TRIM71: variants seen among roughly 807,000 people sequenced by gnomAD.
The protein encoded by TRIM71 is tripartite motif containing 71, also known as E3 ubiquitin-protein ligase TRIM71.
Under a neutral mutation model 61.2 loss-of-function variants are expected in TRIM71, and 9 were observed. That is an observed-to-expected ratio of 0.15 (90% CI 0.09 to 0.26). TRIM71 has a LOEUF of 0.26. TRIM71 is among the 10% of genes least tolerant of loss of function. The probability of loss-of-function intolerance (pLI) is 1.00; values close to 1 mark genes in which losing one functional copy is unlikely to be tolerated. For missense variants in TRIM71, 998 were observed against 1,238.7 expected (o/e 0.81, Z 2.92); for synonymous variants, 645 against 553.2 (o/e 1.17, Z -2.33).
chr3:32,886,341 G>C (rs969803229), intron 3 of TRIM71, among the ~76,000 whole-genome samples: 1 of 152,208 alleles, frequency 6.6e-6, no homozygotes, highest in Non-Finnish European at 1.5e-5. Context: ...CACTCAAAAG[G>C]AGGCTAAAGA....
At position 32,890,854 on chromosome 3, in the gene TRIM71, G is replaced by A. The variant is rs1200367958; in HGVS notation, c.1650G>A (p.Val550=). Residue 550 remains valine, a synonymous_variant, in exon 4 of 4, where the codon GTG becomes GTA. Coordinates refer to ENST00000383763, the MANE Select transcript of TRIM71 (RefSeq NM_001039111.3). This position sits in a 1 kb window ranked among gnomAD's most constrained non-coding sequence, Gnocchi z 6.2. ...VSDQQNGTYV[V]SYRPQLEGEH... The stretch of plus-strand genomic sequence containing the variant: ...ATCAGCAGAATGGGACATACGTGGT[G>A]AGTTACCGACCCCAGCTGGAGGGTG... 2 of 1,614,122 alleles carry A rather than the reference G, an allele frequency of 1.2e-6. No individual in the cohort carries two copies. Among genetic ancestry groups the A allele is most frequent in the African/African-American group, 2.7e-5 (2 of 74,940 alleles).
At chr3:32,845,212 G>C (rs1696458163) in intron 1 of TRIM71, among the ~76,000 whole-genome samples, 1 of 152,182 alleles carries the variant, frequency 6.6e-6, no homozygotes, top group Non-Finnish European at 1.5e-5. Context: ...TTTTCAGACA[G>C]AGCTGAAATG....
intron 2 of TRIM71, among the ~76,000 whole-genome samples, chr3:32,874,300 G>T (rs149158784): frequency 1.5e-3 from 231 of 151,734 alleles, no homozygotes; most frequent in African/African-American, 5.0e-3. Flanking sequence ...CAGGACTGCA[G>T]AAAGGCTGGG....
intron 1 of TRIM71, among the ~76,000 whole-genome samples, chr3:32,867,179 C>A (rs1332858060): frequency 6.6e-6 from 1 of 151,428 alleles, no homozygotes; most frequent in African/African-American, 2.4e-5. Context: ...CCACCCCCCT[C>A]CCCCTCCTCT....
In TRIM71 at chr3:32,818,735, C is replaced by A; in HGVS notation, c.655C>A (p.Leu219Met). 6.2e-7 allele frequency: 1 copy of A among 1,601,276 alleles called. No homozygotes were observed. Among genetic ancestry groups the A allele is most frequent in the South Asian group, 1.1e-5 (1 of 90,542 alleles). Residue 219 changes from leucine to methionine, a missense_variant, in exon 1 of 4, where the codon CTG becomes ATG. Leu to Met is a conservative substitution (Grantham distance 15). This residue lies in a region of TRIM71 where 527 missense variants were observed against 427.8 expected (regional missense o/e 1.23). Transcript: ENST00000383763. ...GCGCTGCCTCGACTGCCAGGAGCAC[C>A]TGTGCGACAACTGCGTCCGAGCGCA... ...SSRCLDCQEHLCDNCVRAHQR... is the reference protein window; with the variant it reads ...SSRCLDCQEHMCDNCVRAHQR...
chr3:32,818,666 C>G lies in TRIM71; in HGVS notation c.586C>G (p.Pro196Ala). The G allele has an allele frequency of 2.6e-6, 4 of 1,531,880 alleles. No homozygotes were observed. Among genetic ancestry groups the G allele is most frequent in the Non-Finnish European group, 3.5e-6 (4 of 1,149,072 alleles). The allele number at this position is 1,531,880 out of a possible 1,614,324, so 94.9% of individuals were successfully genotyped here. Residue 196 changes from proline (P) to alanine (A), a missense_variant, in exon 1 of 4, where the codon CCT (proline) becomes GCT (alanine). Coordinates refer to ENST00000383763, the MANE Select transcript of TRIM71 (RefSeq NM_001039111.3). ...CCCGTCGGCGCTGCTGCTCCGCCGT[C>G]CTCACGGCTGCAGCTCGTGCGATGA... ...ASPSALLLRR[P>A]HGCSSCDEGN...
chr3:32,849,154 G>GC (rs1454477596), intron 1 of TRIM71, among the ~76,000 whole-genome samples: 1 of 152,178 alleles, frequency 6.6e-6, no homozygotes, highest in Non-Finnish European at 1.5e-5. Flanking sequence ...TGGAAAATAA[G>GC]CCCCTCAGTT....
rs775139511 is a variant in TRIM71, at chr3:32,891,720, G to A, written c.2516G>A (p.Gly839Glu). The change falls in exon 4 of 4, where the codon GGG becomes GAG. Residue 839 changes from glycine to glutamate, a missense_variant. By Grantham distance (98) the Gly-to-Glu change is moderately conservative. Coordinates refer to ENST00000383763, the MANE Select transcript of TRIM71 (RefSeq NM_001039111.3). The surrounding 1 kb of genome is among the most constrained non-coding windows in gnomAD (Gnocchi z 8.2). Reference protein sequence around the residue: ...CKFGAQGSGFGQMDRPSGIAI... With the variant: ...CKFGAQGSGFEQMDRPSGIAI... The stretch of plus-strand genomic sequence containing the variant: ...TTTGGTGCTCAAGGCAGCGGCTTTG[G>A]GCAGATGGACCGCCCTTCCGGCATC... 6.2e-6 allele frequency: 10 copies of A among 1,614,144 alleles called. No individual in the cohort carries two copies. Among genetic ancestry groups the A allele is most frequent in the Middle Eastern group, 1.6e-4 (1 of 6,062 alleles).
At position 32,891,835 on chromosome 3, in the gene TRIM71, T is replaced by C; in HGVS notation, c.*24T>C. The C allele has an allele frequency of 6.2e-7, 1 of 1,607,916 alleles. No homozygotes were observed. ...AATTGCATTTCCTAGGTTTCTGTGT[T>C]TGGGGTGTGTGTGCGTGTCTCTCTC... On this transcript the variant is annotated 3_prime_UTR_variant, in exon 4 of 4. Transcript: ENST00000383763. The surrounding 1 kb of genome is among the most constrained non-coding windows in gnomAD (Gnocchi z 8.2).
At chr3:32,889,466 A>AT (rs578106109) in intron 3 of TRIM71, among the ~76,000 whole-genome samples, 26 of 149,620 alleles carry the variant, frequency 1.7e-4, no homozygotes, top group Admixed American at 9.3e-4. Context: ...TTTAACTTTT[A>AT]TTTTTTTTAA....
Position 32,894,538 on chromosome 3 carries a change from G to A in TRIM71, c.*2727G>A, listed in dbSNP as rs1697059707. The A allele has an allele frequency of 6.6e-6, 1 of 152,120 alleles. No homozygotes were observed. Among genetic ancestry groups the A allele is most frequent in the Middle Eastern group, 3.2e-3 (1 of 316 alleles). 9.4% of individuals were successfully genotyped at this position (152,120 alleles called of 1,614,324 possible). On this transcript the variant is annotated 3_prime_UTR_variant, in exon 4 of 4. Transcript: ENST00000383763. ...ATACTACCTCTTTGTCCTCAGTGGTGGTATATCTATCTCCTTACCTTTCTG... is the reference window on the plus strand; with the variant it reads ...ATACTACCTCTTTGTCCTCAGTGGTAGTATATCTATCTCCTTACCTTTCTG...
rs1553646510 is a variant in TRIM71, at chr3:32,874,367, T to TACAACA, written c.1020+383_1020+388dup. ...CTACTACTACTACTACTACTACTAC[T>TACAACA]ACAACATATTTTTTGAGATGAGTCT... On this transcript the variant is annotated intron_variant, in intron 2 of 3. Transcript: ENST00000383763. 4.9e-3 allele frequency among the ~76,000 whole-genome samples: 549 copies of TACAACA among 110,960 alleles called. 2 individuals carry two copies. The highest frequency in any genetic ancestry group is 0.015 in the African/African-American group (523 of 34,636). 72.8% of individuals were successfully genotyped at this position (110,960 alleles called of 152,430 possible). A position where few individuals can be genotyped will look rare whatever the true frequency, so the allele number is the denominator to read the frequency against.
intron 1 of TRIM71, among the ~76,000 whole-genome samples, chr3:32,856,430 A>C (rs2125683520): frequency 6.6e-6 from 1 of 151,802 alleles, no homozygotes; most frequent in Non-Finnish European, 1.5e-5. Flanking sequence ...ATTACATCTC[A>C]GCTGGCCTTA....
chr3:32,886,159 G>A (rs1696959578), intron 3 of TRIM71, 91 bp downstream of exon 3: 1 of 1,422,162 alleles, frequency 7.0e-7, no homozygotes, highest in African/African-American at 1.4e-5. Context: ...AGATCCAGGA[G>A]CCAAGCTCTA....
chr3:32,879,438 T>G (rs1039517762), intron 2 of TRIM71, among the ~76,000 whole-genome samples: 49 of 152,182 alleles, frequency 3.2e-4, no homozygotes, highest in Non-Finnish European at 1.0e-4. Flanking sequence ...TCATTTTAGA[T>G]TTGTAGGACC....
chr3:32,884,739 G>A (rs985925330), intron 2 of TRIM71, among the ~76,000 whole-genome samples: 6 of 152,120 alleles, frequency 3.9e-5, no homozygotes, highest in African/African-American at 1.4e-4. Context: ...CATACTAAGT[G>A]TGACTAATGG....
At chr3:32,871,218 T>C (rs746119717) in intron 1 of TRIM71, among the ~76,000 whole-genome samples, 3 of 152,142 alleles carry the variant, frequency 2.0e-5, no homozygotes, top group Non-Finnish European at 4.4e-5. Flanking sequence ...AGAGAGGTGA[T>C]TGGACAGATG....
rs766064181 is a variant in TRIM71, at chr3:32,818,740, C to T, written c.660C>T (p.Cys220=). The T allele has an allele frequency of 6.2e-7, 1 of 1,602,016 alleles. No individual in the cohort carries two copies. The highest frequency in any genetic ancestry group is 8.5e-7 in the Non-Finnish European group (1 of 1,177,886). The change falls in exon 1 of 4, where the codon TGC becomes TGT. Residue 220 remains cysteine (C), a synonymous_variant. Transcript: ENST00000383763. ...GCCTCGACTGCCAGGAGCACCTGTGCGACAACTGCGTCCGAGCGCACCAGC... is the reference window on the plus strand; with the variant it reads ...GCCTCGACTGCCAGGAGCACCTGTGTGACAACTGCGTCCGAGCGCACCAGC... ...SRCLDCQEHL[C]DNCVRAHQRV... is the part of the protein sequence containing the mutation.
At chr3:32,854,737 A>T (rs1310087562) in intron 1 of TRIM71, among the ~76,000 whole-genome samples, 2 of 152,170 alleles carry the variant, frequency 1.3e-5, no homozygotes, top group African/African-American at 4.8e-5. Flanking sequence ...TGCTGATGGG[A>T]TACAGTGCTA....
Sources: allele counts gnomAD v4.1 joint callset (sites outside exome capture counted in the v4.1 genomes callset), GRCh38; gene constraint gnomAD v4.1.1; regional missense constraint gnomAD v4.1.1; non-coding constraint Gnocchi (gnomAD v3.1); transcripts MANE v1.5; gene names NCBI Gene and HGNC (gene_info 2026-07-23, HGNC 2026-07-21).